The following SLC24A2 variants were observed in gnomAD, a reference collection of about 807,000 sequenced individuals.
The protein encoded by SLC24A2 is solute carrier family 24 member 2.
Under a neutral mutation model 62.0 loss-of-function variants are expected in SLC24A2, and 36 were observed. That is an observed-to-expected ratio of 0.58 (90% confidence interval 0.44 to 0.77). SLC24A2 has a LOEUF of 0.77. SLC24A2 is among the 30% of genes least tolerant of loss of function. The probability of loss-of-function intolerance (pLI) is 0.00; values close to 1 mark genes in which losing one functional copy is unlikely to be tolerated. For synonymous variants in SLC24A2, 358 were observed against 294.0 expected (o/e 1.22, Z -2.23); for missense variants, 846 against 817.9 (o/e 1.03, Z -0.42).
chr9:20,287,867 T>C, the SLC24A2 span, among the ~76,000 whole-genome samples: 1 of 152,246 alleles, frequency 6.6e-6, no homozygotes, highest in African/African-American at 2.4e-5. Context: ...CTCCCTGATA[T>C]TGGCTGATAC....
chr9:20,148,625 A>C, the SLC24A2 span, among the ~76,000 whole-genome samples: 1 of 152,282 alleles, frequency 6.6e-6, no homozygotes, highest in South Asian at 2.1e-4. Context: ...TTGACATTTC[A>C]AAAGAATGGA....
chr9:19,958,456 G>C, the SLC24A2 span, among the ~76,000 whole-genome samples: 4 of 152,166 alleles, frequency 2.6e-5, no homozygotes, highest in Non-Finnish European at 5.9e-5. Flanking sequence ...ACAGACAGAG[G>C]CTTTATGGTG....
chr9:19,969,177 C>G, the SLC24A2 span, among the ~76,000 whole-genome samples: 2 of 91,684 alleles, frequency 2.2e-5, no homozygotes, highest in Non-Finnish European at 4.7e-5. Flanking sequence ...TCCGCCACCT[C>G]CTTTGCCACA....
the SLC24A2 span, among the ~76,000 whole-genome samples, chr9:20,254,082 T>C: frequency 1.3e-5 from 2 of 152,146 alleles, no homozygotes; most frequent in Non-Finnish European, 2.9e-5. Context: ...CTGCTGATAG[T>C]AGCTTTCAGA....
At chr9:19,561,210 G>C (rs528966727) in intron 7 of SLC24A2, among the ~76,000 whole-genome samples, 1 of 151,988 alleles carries the variant, frequency 6.6e-6, no homozygotes, top group Non-Finnish European at 1.5e-5. Flanking sequence ...GATTACAGGC[G>C]TGAGCCACCA....
At chr9:19,584,621 C>T (rs1836311904) in intron 5 of SLC24A2, among the ~76,000 whole-genome samples, 1 of 151,854 alleles carries the variant, frequency 6.6e-6, no homozygotes, top group Admixed American at 6.6e-5. Context: ...TTCTTAAAAG[C>T]AAAAATTTTT....
chr9:19,809,128 T>G, the SLC24A2 span, among the ~76,000 whole-genome samples: 10,543 of 152,264 alleles, frequency 0.069, 532 homozygotes, highest in African/African-American at 0.14. Flanking sequence ...TTTTTAATTA[T>G]GTACATGTAT....
At chr9:19,856,701 T>C in the SLC24A2 span, among the ~76,000 whole-genome samples, 1 of 152,148 alleles carries the variant, frequency 6.6e-6, no homozygotes, top group Admixed American at 6.5e-5. Context: ...ACTGACCTGA[T>C]GCTGGTGGAA....
chr9:19,901,298 T>A, the SLC24A2 span, among the ~76,000 whole-genome samples: 2 of 152,216 alleles, frequency 1.3e-5, no homozygotes, highest in African/African-American at 4.8e-5. Flanking sequence ...ACTCAGGGGA[T>A]GCTGTACACA....
chr9:19,660,329 T>C (rs1472775039), intron 2 of SLC24A2, among the ~76,000 whole-genome samples: 4 of 152,224 alleles, frequency 2.6e-5, no homozygotes, highest in Non-Finnish European at 4.4e-5. Context: ...CTCTTATGTC[T>C]CAGTGCATTT....
chr9:20,041,200 GAA>G, the SLC24A2 span, among the ~76,000 whole-genome samples: 4 of 85,524 alleles, frequency 4.7e-5, no homozygotes, highest in East Asian at 1.9e-3. Context: ...ATGAGAAAAA[GAA>G]AGAGAGATAG....
chr9:20,281,362 T>C, the SLC24A2 span, among the ~76,000 whole-genome samples: 1 of 152,216 alleles, frequency 6.6e-6, no homozygotes, highest in East Asian at 1.9e-4. Flanking sequence ...AATATGCACA[T>C]ATCATTAGGA....
the SLC24A2 span, among the ~76,000 whole-genome samples, chr9:20,267,472 C>T: frequency 6.6e-6 from 1 of 152,226 alleles, no homozygotes; most frequent in African/African-American, 2.4e-5. Flanking sequence ...CCCACAGCTA[C>T]ACTGTCCTGT....
chr9:19,647,928 C>G (rs958869168), intron 2 of SLC24A2, among the ~76,000 whole-genome samples: 2 of 152,088 alleles, frequency 1.3e-5, no homozygotes, highest in African/African-American at 4.8e-5. Flanking sequence ...GATTGTGAAT[C>G]CTGAGTTTGA....
chr9:19,529,207 G>A (rs1249559484), intron 8 of SLC24A2, among the ~76,000 whole-genome samples: 1 of 152,168 alleles, frequency 6.6e-6, no homozygotes, highest in Non-Finnish European at 1.5e-5. Flanking sequence ...TTTATCTAGA[G>A]AAATGAATTT....
chr9:20,131,476 C>A, the SLC24A2 span, among the ~76,000 whole-genome samples: 1 of 151,950 alleles, frequency 6.6e-6, no homozygotes, highest in Non-Finnish European at 1.5e-5. Context: ...CAGGAAAGGC[C>A]CAAGGTCTTA....
At chr9:19,824,783 A>G in the SLC24A2 span, among the ~76,000 whole-genome samples, 4 of 152,358 alleles carry the variant, frequency 2.6e-5, no homozygotes, top group Non-Finnish European at 4.4e-5. Context: ...ATGCCCATCA[A>G]TGATAGACTG....
At chr9:20,228,863 C>A in the SLC24A2 span, among the ~76,000 whole-genome samples, 1 of 152,064 alleles carries the variant, frequency 6.6e-6, no homozygotes, top group South Asian at 2.1e-4. Flanking sequence ...GTAGAAGGGG[C>A]ACAGACACTG....
chr9:19,761,876 T>A (rs1169312116), intron 2 of SLC24A2, among the ~76,000 whole-genome samples: 1 of 152,226 alleles, frequency 6.6e-6, no homozygotes, highest in Non-Finnish European at 1.5e-5. Flanking sequence ...TAATCCAGTC[T>A]ATCGTTGTTG....
Sources: gnomAD v4.1 joint callset for allele counts (sites outside exome capture counted in the v4.1 genomes callset) on GRCh38, gnomAD v4.1.1 for gene constraint, MANE v1.5 for transcripts, NCBI Gene and HGNC (gene_info 2026-07-23, HGNC 2026-07-21) for gene names.